SYMPK: variants seen among roughly 807,000 people sequenced by gnomAD.
The protein encoded by SYMPK is symplekin scaffold protein, also known as symplekin.
In SYMPK, 49 loss-of-function variants were observed where a neutral mutation model predicts 136.4. The ratio of observed to expected loss-of-function variants is 0.36; its 90% confidence interval spans 0.29 to 0.46. SYMPK has a LOEUF of 0.46. Ranked by LOEUF, SYMPK falls within the 20% of genes least tolerant of loss-of-function variation. SYMPK has a pLI of 1.00. For missense variants in SYMPK, 1,365 were observed against 1,690.0 expected (o/e 0.81, Z 3.37); for synonymous variants, 766 against 713.0 (o/e 1.07, Z -1.19).
intron 11 of SYMPK, among the ~76,000 whole-genome samples, chr19:45,834,534 A>G (rs1436345401): frequency 6.7e-6 from 1 of 148,730 alleles, no homozygotes; most frequent in Non-Finnish European, 1.5e-5. Context: ...TGAGCTAAAC[A>G]TAAATGAATT....
At chr19:45,835,340 T>G in intron 10 of SYMPK, 112 bp from the exon 11 acceptor site, 1 of 1,068,088 alleles carries the variant, frequency 9.4e-7, no homozygotes, top group Non-Finnish European at 1.3e-6. Flanking sequence ...GACTTGGGCC[T>G]GCTCTCCTGG....
At chr19:45,833,113 G>C (rs1178245727) in intron 11 of SYMPK, among the ~76,000 whole-genome samples, 1 of 151,886 alleles carries the variant, frequency 6.6e-6, no homozygotes, top group Non-Finnish European at 1.5e-5. Flanking sequence ...TGATGCAGGA[G>C]AATCGCTTGA....
At chr19:45,847,605 C>G (rs1212485202) in intron 7 of SYMPK, 147 bp downstream of exon 7, 21 of 955,348 alleles carry the variant, frequency 2.2e-5, no homozygotes, top group Non-Finnish European at 3.2e-5. Context: ...CAGCTGGGAT[C>G]TGAACCTAGC....
intron 5 of SYMPK, among the ~76,000 whole-genome samples, chr19:45,850,657 G>T (rs1971677123): frequency 6.6e-6 from 1 of 152,156 alleles, no homozygotes; most frequent in African/African-American, 2.4e-5. Context: ...TCCATGTGGT[G>T]ACTGTTATGT....
rs374601877 is a variant in SYMPK, at chr19:45,831,523, C to T, written c.1459G>A (p.Val487Ile). Residue 487 changes from valine (V) to isoleucine (I), a missense_variant, in exon 12 of 27, where the codon GTC becomes ATC. Transcript: ENST00000245934. Reference protein sequence around the residue: ...KEEKVVKTESVLIKRRLSAQG... With the variant: ...KEEKVVKTESILIKRRLSAQG... ...GCTGACAGGCGCCGCTTGATCAGGA[C>T]GCTCTCTGTCTTCACCACCTTCTCC... The T allele has an allele frequency of 8.1e-6, 13 of 1,611,718 alleles. No individual in the cohort carries two copies. The highest frequency in any genetic ancestry group is 5.3e-5 in the African/African-American group (4 of 74,902).
At position 45,852,547 on chromosome 19, in the gene SYMPK, T is replaced by C. The variant is rs1971721236; in HGVS notation, c.172-12A>G. ...ATCAGCTCCTGGACCTGGAAGGAGA[T>C]TGGGGGTGGGGAGGAGGAATACCCA... On this transcript the variant is annotated splice_polypyrimidine_tract_variant and intron_variant, in intron 3 of 26. Coordinates refer to ENST00000245934, the MANE Select transcript of SYMPK (RefSeq NM_004819.3). 4.3e-6 allele frequency: 7 copies of C among 1,613,776 alleles called. No homozygotes were observed. The highest frequency in any genetic ancestry group is 1.1e-5 in the South Asian group (1 of 91,054).
chr19:45,827,135 A>C (rs1327832510), intron 16 of SYMPK, among the ~76,000 whole-genome samples: 1 of 152,126 alleles, frequency 6.6e-6, no homozygotes, highest in Non-Finnish European at 1.5e-5. Flanking sequence ...CTGAGGCCAC[A>C]CCGGCTCCCC....
rs1228416104 is a variant in SYMPK at position 45,839,933 on chromosome 19, A to G, written c.1088-1318T>C. On this transcript the variant is annotated intron_variant, in intron 9 of 26. Coordinates refer to ENST00000245934, the MANE Select transcript of SYMPK (RefSeq NM_004819.3). ...TAGTTTCAAATATCTCCCCCAGCTT[A>G]TTACTGACAAAGATAAAAATGGCAC... 2.0e-5 allele frequency among the ~76,000 whole-genome samples: 3 copies of G among 152,218 alleles called. No individual in the cohort carries two copies. In the East Asian group the frequency reaches 5.8e-4, roughly 29 times the overall value.
intron 20 of SYMPK, 67 bp from the exon 21 acceptor site, chr19:45,822,913 C>T: frequency 7.4e-7 from 1 of 1,349,890 alleles, no homozygotes; most frequent in South Asian, 1.2e-5. Context: ...TCTAGACAAG[C>T]CACCCCTTCT....
intron 1 of SYMPK, among the ~76,000 whole-genome samples, chr19:45,860,896 A>C (rs1971951606): frequency 6.6e-6 from 1 of 152,246 alleles, no homozygotes; most frequent in South Asian, 2.1e-4. Flanking sequence ...GAAACTGAAG[A>C]CCAGGGAGGT....
At chr19:45,817,237 C>A in intron 23 of SYMPK, 1 of 472,744 alleles carries the variant, frequency 2.1e-6, no homozygotes, top group Non-Finnish European at 3.7e-6. Context: ...CAGGCCCAGG[C>A]TAAGTGCTGC....
Position 45,842,247 on chromosome 19 carries a change from C to T in SYMPK, c.1087+3G>A, listed in dbSNP as rs1971457720. 6.2e-7 allele frequency: 1 copy of T among 1,614,138 alleles called. No individual in the cohort carries two copies. Among genetic ancestry groups the T allele is most frequent in the Admixed American group, 1.7e-5 (1 of 60,020 alleles). The stretch of plus-strand genomic sequence containing the variant: ...CCTGCCCCACCCCACCAGCCCCTCT[C>T]ACCCAGCTTCATCTTCTTGAGTGTG... On this transcript the variant is annotated splice_donor_region_variant and intron_variant, in intron 9 of 26. Transcript: ENST00000245934.
intron 10 of SYMPK, among the ~76,000 whole-genome samples, chr19:45,837,242 T>C (rs1263062368): frequency 2.6e-5 from 4 of 152,190 alleles, no homozygotes; most frequent in African/African-American, 9.7e-5. Context: ...TTTTATACTA[T>C]GAATAGCAGG....
rs781655515 is a variant in SYMPK, at chr19:45,821,199, A to T, written c.2893+185T>A. On this transcript the variant is annotated intron_variant, in intron 22 of 26. Transcript: ENST00000245934. This position sits in a 1 kb window ranked among gnomAD's most constrained non-coding sequence, Gnocchi z 4.4. ...GGGAGGAAGGAAGGAGGAGGGAGGG[A>T]GGGAGGGAGGGAAGAGGAGGCAAGA... The T allele has an allele frequency of 2.2e-5, 6 of 275,044 alleles. No individual in the cohort carries two copies. Among genetic ancestry groups the T allele is most frequent in the Non-Finnish European group, 4.0e-5 (6 of 149,296 alleles). The allele number at this position is 275,044 out of a possible 1,614,324, so 17.0% of individuals were successfully genotyped here.
Position 45,848,887 on chromosome 19 carries a change from G to A in SYMPK, c.300-11C>T, listed in dbSNP as rs780100581. On this transcript the variant is annotated splice_polypyrimidine_tract_variant and intron_variant, in intron 5 of 26. Transcript: ENST00000245934. ...TCAATGTCTCGCTTGCTGAGGGATGGAGAAAAAAGGGGCGAGGTCAAGGTG... is the reference window on the plus strand; with the variant it reads ...TCAATGTCTCGCTTGCTGAGGGATGAAGAAAAAAGGGGCGAGGTCAAGGTG... 1.4e-5 allele frequency: 23 copies of A among 1,613,126 alleles called. No homozygotes were observed. Among genetic ancestry groups the A allele is most frequent in the Non-Finnish European group, 1.7e-5 (20 of 1,179,752 alleles).
At chr19:45,847,044 T>G (rs992054023) in intron 7 of SYMPK, among the ~76,000 whole-genome samples, 6 of 152,036 alleles carry the variant, frequency 3.9e-5, no homozygotes, top group African/African-American at 1.4e-4. Context: ...TCTGCCTGCC[T>G]TGGCCTCTCA....
Position 45,847,992 on chromosome 19 carries a change from T to C in SYMPK, c.436A>G (p.Lys146Glu). The change falls in exon 7 of 27, where the codon AAG becomes GAG. Residue 146 changes from lysine (K) to glutamate (E), a missense_variant. By Grantham distance (56) the Lys-to-Glu change is moderately conservative. Coordinates refer to ENST00000245934, the MANE Select transcript of SYMPK (RefSeq NM_004819.3). ...TGTAGCTCGCTAATGACCCGTGACT[T>C]TACCATCCACTGCCAGCAGGCCAGG... ...LYKVALQWMV[K>E]SRVISELQEA... 6.3e-7 allele frequency: 1 copy of C among 1,582,892 alleles called. No homozygotes were observed. The highest frequency in any genetic ancestry group is 8.6e-7 in the Non-Finnish European group (1 of 1,158,434).
At chr19:45,835,471 T>G (rs918490) in intron 10 of SYMPK, among the ~76,000 whole-genome samples, 1 of 152,066 alleles carries the variant, frequency 6.6e-6, no homozygotes, top group Non-Finnish European at 1.5e-5. Context: ...GGGCTCCCTG[T>G]GCAAGAAGCA....
At chr19:45,827,307 G>A (rs540806290) in intron 16 of SYMPK, among the ~76,000 whole-genome samples, 3 of 152,218 alleles carry the variant, frequency 2.0e-5, no homozygotes, top group South Asian at 2.1e-4. Flanking sequence ...ACTCAGGCAC[G>A]GTAACCCTGG....
Sources: gnomAD v4.1 joint callset for allele counts (sites outside exome capture counted in the v4.1 genomes callset) on GRCh38, gnomAD v4.1.1 for gene constraint, Gnocchi (gnomAD v3.1) non-coding constraint, MANE v1.5 for transcripts, NCBI Gene and HGNC (gene_info 2026-07-23, HGNC 2026-07-21) for gene names.